ELMO1: variants seen among roughly 807,000 people sequenced by gnomAD.
The protein encoded by ELMO1 is engulfment and cell motility protein 1.
A neutral mutation model predicts 98.9 loss-of-function variants in ELMO1; 26 were observed. The ratio of observed to expected loss-of-function variants is 0.26; its 90% CI spans 0.19 to 0.36. The LOEUF (loss-of-function observed/expected upper bound fraction) is 0.36. Ranked by LOEUF, ELMO1 falls within the 10% of genes least tolerant of loss-of-function variation. ELMO1 has a pLI of 1.00. For missense variants in ELMO1, 627 were observed against 935.2 expected (o/e 0.67, Z 4.30); for synonymous variants, 346 against 346.0 (o/e 1.00, Z 0.00).
intron 16 of ELMO1, among the ~76,000 whole-genome samples, chr7:36,972,283 G>C (rs17334729): frequency 0.072 from 10,987 of 152,218 alleles, 526 homozygotes; most frequent in Middle Eastern, 0.19. Flanking sequence ...ATAACAACTC[G>C]TATCCTGATG....
intron 6 of ELMO1, among the ~76,000 whole-genome samples, chr7:37,252,279 T>G (rs1023109934): frequency 6.6e-6 from 1 of 152,266 alleles, no homozygotes; most frequent in East Asian, 1.9e-4. Flanking sequence ...ATCTAGACAT[T>G]CCTAAGCAAA....
chr7:36,909,142 T>C (rs1476847455), intron 16 of ELMO1, among the ~76,000 whole-genome samples: 1 of 152,244 alleles, frequency 6.6e-6, no homozygotes, highest in African/African-American at 2.4e-5. Flanking sequence ...AAAGATGTTT[T>C]TAACTTTAAC....
chr7:36,864,112 C>T (rs970041139), intron 20 of ELMO1, among the ~76,000 whole-genome samples: 2 of 152,184 alleles, frequency 1.3e-5, no homozygotes, highest in Non-Finnish European at 2.9e-5. Context: ...AAGTGCCTGA[C>T]TGCTCAGGGA....
chr7:37,433,015 C>T (rs1466392622), intron 1 of ELMO1, among the ~76,000 whole-genome samples: 1 of 152,178 alleles, frequency 6.6e-6, no homozygotes, highest in Non-Finnish European at 1.5e-5. Flanking sequence ...TGGAATGACA[C>T]TAAGGCAGTA....
At chr7:37,387,111 A>T (rs1802837905) in intron 1 of ELMO1, among the ~76,000 whole-genome samples, 1 of 152,228 alleles carries the variant, frequency 6.6e-6, no homozygotes, top group African/African-American at 2.4e-5. Flanking sequence ...CCCACAGAAA[A>T]GAAAGAACCA....
At chr7:37,267,158 C>G (rs1397188580) in intron 5 of ELMO1, among the ~76,000 whole-genome samples, 1 of 150,982 alleles carries the variant, frequency 6.6e-6, no homozygotes, top group African/African-American at 2.4e-5. Flanking sequence ...TGTGGGTATC[C>G]CTTGAGAAAC....
At chr7:37,070,416 G>A (rs994045755) in intron 15 of ELMO1, among the ~76,000 whole-genome samples, 6 of 152,154 alleles carry the variant, frequency 3.9e-5, no homozygotes, top group Middle Eastern at 3.2e-3. Flanking sequence ...CTATAGTAGA[G>A]GGCTAAGACC....
chr7:37,441,371 T>C (rs6962537), intron 1 of ELMO1, among the ~76,000 whole-genome samples: 90,009 of 151,996 alleles, frequency 0.59, 26,811 homozygotes, highest in East Asian at 0.76. Context: ...ATGGCAAGAT[T>C]AGGACAGAAA....
chr7:37,118,029 C>T (rs1785718775), intron 14 of ELMO1, among the ~76,000 whole-genome samples: 1 of 152,160 alleles, frequency 6.6e-6, no homozygotes. Flanking sequence ...ACAATGGGAA[C>T]AAAAAACTGT....
At chr7:37,039,132 TA>T (rs746114829) in intron 15 of ELMO1, among the ~76,000 whole-genome samples, 143 of 149,754 alleles carry the variant, frequency 9.5e-4, no homozygotes, top group African/African-American at 3.4e-3. Flanking sequence ...CTCCAATTTT[TA>T]AAAAAAAAAG....
intron 1 of ELMO1, chr7:37,419,552 C>G (rs1804380976): frequency 6.6e-6 from 1 of 152,236 alleles, no homozygotes. Flanking sequence ...TTGCCATTTA[C>G]ATAGAGGTGT....
At chr7:37,445,024 G>C (rs917669663) in intron 1 of ELMO1, among the ~76,000 whole-genome samples, 2 of 152,146 alleles carry the variant, frequency 1.3e-5, no homozygotes, top group Non-Finnish European at 2.9e-5. Flanking sequence ...ATTGAAACAG[G>C]CTTTTTAAAA....
At chr7:37,172,376 A>C (rs1019299485) in intron 13 of ELMO1, among the ~76,000 whole-genome samples, 1 of 152,180 alleles carries the variant, frequency 6.6e-6, no homozygotes, top group Non-Finnish European at 1.5e-5. Context: ...TCAAGAAGAG[A>C]AATTTACCCT....
At chr7:37,207,821 CAA>C (rs1341667105) in intron 13 of ELMO1, among the ~76,000 whole-genome samples, 1 of 152,060 alleles carries the variant, frequency 6.6e-6, no homozygotes, top group East Asian at 1.9e-4. Flanking sequence ...GGGCACCCGA[CAA>C]GAGCAAAACT....
At chr7:37,080,774 A>G (rs1432117566) in intron 15 of ELMO1, among the ~76,000 whole-genome samples, 3 of 151,678 alleles carry the variant, frequency 2.0e-5, no homozygotes, top group South Asian at 2.1e-4. Flanking sequence ...CTCTTATACT[A>G]TCTTTCCCTG....
rs112121181 is a variant in ELMO1, at chr7:37,123,274, G to A, written c.1191+9856C>T. Among the ~76,000 whole-genome samples the A allele has an allele frequency of 1.4e-3, 211 of 152,086 alleles. 2 individuals are homozygous for A. The highest frequency in any genetic ancestry group is 4.7e-3 in the African/African-American group (195 of 41,494). ...TTCAAAAGCTAGCAGAAGGCAAGAA[G>A]TAACTAAGATCAGAGCAGAACTGAA... is the stretch of plus-strand genomic sequence containing the variant. On this transcript the variant is annotated intron_variant, in intron 14 of 21. Coordinates refer to ENST00000310758, the MANE Select transcript of ELMO1 (RefSeq NM_014800.11).
chr7:36,934,174 C>T (rs551348139), intron 16 of ELMO1, among the ~76,000 whole-genome samples: 5 of 152,146 alleles, frequency 3.3e-5, no homozygotes, highest in African/African-American at 9.7e-5. Context: ...TAGCAAGAAA[C>T]GGACTGTGGC....
intron 4 of ELMO1, among the ~76,000 whole-genome samples, chr7:37,305,763 C>G (rs1296437677): frequency 6.6e-6 from 1 of 152,196 alleles, no homozygotes; most frequent in African/African-American, 2.4e-5. Context: ...CACAGAACCA[C>G]GTGAGACACA....
intron 15 of ELMO1, among the ~76,000 whole-genome samples, chr7:37,089,037 T>A (rs116044326): frequency 3.0e-3 from 455 of 152,326 alleles, no homozygotes; most frequent in African/African-American, 0.01. Context: ...TGTTAAAAGC[T>A]AATTTTCTTG....
Sources: allele counts gnomAD v4.1 joint callset (sites outside exome capture counted in the v4.1 genomes callset), GRCh38; gene constraint gnomAD v4.1.1; transcripts MANE v1.5; gene names NCBI Gene and HGNC (gene_info 2026-07-23, HGNC 2026-07-21).